Variants in EEFSEC observed in about 807,000 individuals in gnomAD.
EEFSEC encodes the protein eukaryotic elongation factor, selenocysteine-tRNA specific, also known as selenocysteine-specific elongation factor.
A neutral mutation model predicts 42.1 loss-of-function variants in EEFSEC; 43 were observed. That is an observed-to-expected ratio of 1.02 (90% CI 0.80 to 1.32). EEFSEC has a LOEUF of 1.32. EEFSEC is among the 40% of genes most tolerant of loss of function. The pLI is 0.00. For synonymous variants in EEFSEC, 354 were observed against 339.1 expected (o/e 1.04, Z -0.48); for missense variants, 745 against 803.6 (o/e 0.93, Z 0.88).
intron 2 of EEFSEC, 89 bp downstream of exon 2, chr3:128,247,132 A>T: frequency 7.3e-7 from 1 of 1,376,322 alleles, no homozygotes; most frequent in Non-Finnish European, 1.0e-6. Flanking sequence ...TTGGACAGGC[A>T]GGTGTCAGCC....
At chr3:128,283,626 C>T (rs1047664874) in intron 4 of EEFSEC, among the ~76,000 whole-genome samples, 1 of 152,166 alleles carries the variant, frequency 6.6e-6, no homozygotes, top group East Asian at 1.9e-4. Flanking sequence ...TTGGTATAGA[C>T]ACTCAAGCAC....
At chr3:128,234,017 A>G (rs2065983878) in intron 1 of EEFSEC, among the ~76,000 whole-genome samples, 1 of 147,366 alleles carries the variant, frequency 6.8e-6, no homozygotes. Flanking sequence ...CCTGACCTGT[A>G]GTCATCTTTT....
rs977520855 is a variant in EEFSEC at position 128,203,415 on chromosome 3, C to T, written c.317-43421C>T. 1.3e-4 allele frequency among the ~76,000 whole-genome samples: 20 copies of T among 152,090 alleles called. 1 individual carries two copies. The highest frequency in any genetic ancestry group is 1.0e-3 in the Admixed American group (16 of 15,262). ...GGCAGAGGAAGATGATGAGTGTTGG[C>T]GATGGCAGAGGAAGGGGATGGACAC... On this transcript the variant is annotated intron_variant, in intron 1 of 6. Coordinates refer to ENST00000254730, the MANE Select transcript of EEFSEC (RefSeq NM_021937.5).
chr3:128,360,654 G>A (rs1196143935), intron 6 of EEFSEC, among the ~76,000 whole-genome samples: 2 of 151,338 alleles, frequency 1.3e-5, no homozygotes, highest in South Asian at 2.1e-4. Context: ...GAGCCTCTCG[G>A]GGTGCTGGGG....
chr3:128,363,311 CA>C (rs1192351833), intron 6 of EEFSEC, among the ~76,000 whole-genome samples: 1 of 152,216 alleles, frequency 6.6e-6, no homozygotes, highest in East Asian at 1.9e-4. Context: ...GCAAGAAAGC[CA>C]GAACAAAGCA....
At chr3:128,259,838 A>G (rs547990388) in intron 2 of EEFSEC, among the ~76,000 whole-genome samples, 1 of 152,152 alleles carries the variant, frequency 6.6e-6, no homozygotes, top group South Asian at 2.1e-4. Flanking sequence ...ATGTCTTTTT[A>G]TGTCATGTCT....
Position 128,341,348 on chromosome 3 carries a change from G to C in EEFSEC, c.902G>C (p.Gly301Ala), listed in dbSNP as rs138539564. Residue 301 changes from glycine (G) to alanine (A), a missense_variant, in exon 5 of 7, where the codon GGG (glycine) becomes GCG (alanine). Transcript: ENST00000254730. ...TTTGACCCTAAGCTGCTGGAGCGCG[G>C]GTTGGTGTGTGCCCCCGAGTCCCTG... ...TQFDPKLLER[G>A]LVCAPESLHT... 11 of 1,614,152 alleles carry C rather than the reference G, an allele frequency of 6.8e-6. No homozygotes were observed. The African/African-American group carries it at 1.5e-4, about 22-fold the overall frequency.
chr3:128,378,047 C>T (rs2067729798), intron 6 of EEFSEC, among the ~76,000 whole-genome samples: 1 of 152,242 alleles, frequency 6.6e-6, no homozygotes, highest in Admixed American at 6.5e-5. Flanking sequence ...AGTTCACAGT[C>T]TGGCATCTTT....
At chr3:128,177,106 C>T (rs1027884619) in intron 1 of EEFSEC, among the ~76,000 whole-genome samples, 1 of 151,984 alleles carries the variant, frequency 6.6e-6, no homozygotes, top group Non-Finnish European at 1.5e-5. Context: ...AAGTGATTCT[C>T]CTGCCTCAGC....
intron 1 of EEFSEC, among the ~76,000 whole-genome samples, chr3:128,221,056 A>G (rs538824054): frequency 6.6e-6 from 1 of 152,360 alleles, no homozygotes; most frequent in South Asian, 2.1e-4. Flanking sequence ...CATGTCCCTC[A>G]CAGGAGAACT....
At chr3:128,238,700 A>G (rs528561549) in intron 1 of EEFSEC, among the ~76,000 whole-genome samples, 7 of 152,268 alleles carry the variant, frequency 4.6e-5, no homozygotes, top group South Asian at 4.2e-4. Context: ...TGTTAGCCCA[A>G]GCTGTTCTCA....
intron 1 of EEFSEC, among the ~76,000 whole-genome samples, chr3:128,201,285 C>G (rs2107817536): frequency 6.6e-6 from 1 of 152,170 alleles, no homozygotes; most frequent in South Asian, 2.1e-4. Flanking sequence ...CACTCACTTT[C>G]CTGCCAGGGT....
At chr3:128,296,625 C>T (rs1268286422) in intron 4 of EEFSEC, among the ~76,000 whole-genome samples, 1 of 148,296 alleles carries the variant, frequency 6.7e-6, no homozygotes, top group Non-Finnish European at 1.5e-5. Context: ...CCTCAGGAGG[C>T]AGCTCGAAGG....
At chr3:128,238,034 A>G (rs906875356) in intron 1 of EEFSEC, among the ~76,000 whole-genome samples, 1 of 152,198 alleles carries the variant, frequency 6.6e-6, no homozygotes, top group African/African-American at 2.4e-5. Context: ...AGCCCTTGGT[A>G]CTAGCGCTGC....
chr3:128,300,168 C>G (rs968688083), intron 4 of EEFSEC, among the ~76,000 whole-genome samples: 2 of 152,202 alleles, frequency 1.3e-5, no homozygotes, highest in Non-Finnish European at 2.9e-5. Context: ...CTGGCCACCT[C>G]CCCAGCTGCC....
At chr3:128,157,436 A>G (rs1044344285) in intron 1 of EEFSEC, among the ~76,000 whole-genome samples, 2 of 152,264 alleles carry the variant, frequency 1.3e-5, no homozygotes, top group Non-Finnish European at 2.9e-5. Flanking sequence ...TATATGGAGA[A>G]GATGCTATGT....
chr3:128,367,536 C>G (rs961089131), intron 6 of EEFSEC: 2 of 660,646 alleles, frequency 3.0e-6, no homozygotes, highest in Non-Finnish European at 3.7e-6. Flanking sequence ...CAGCCACCTG[C>G]TGTGTGGACT....
At chr3:128,294,041 C>T (rs1425150960) in intron 4 of EEFSEC, among the ~76,000 whole-genome samples, 1 of 152,214 alleles carries the variant, frequency 6.6e-6, no homozygotes, top group Non-Finnish European at 1.5e-5. Context: ...AGTCTGCTCC[C>T]TACCTTCTGC....
At chr3:128,328,006 C>T (rs1454961485) in intron 4 of EEFSEC, among the ~76,000 whole-genome samples, 7 of 152,168 alleles carry the variant, frequency 4.6e-5, no homozygotes, top group Non-Finnish European at 1.0e-4. Context: ...GGCTGGGGGC[C>T]ACCACAGTTC....
Sources: gnomAD v4.1 joint callset for allele counts (sites outside exome capture counted in the v4.1 genomes callset) on GRCh38, gnomAD v4.1.1 for gene constraint, MANE v1.5 for transcripts, NCBI Gene and HGNC (gene_info 2026-07-23, HGNC 2026-07-21) for gene names.